KRI1: variants seen among roughly 807,000 people sequenced by gnomAD.
KRI1 encodes KRI1 homolog, also known as protein KRI1 homolog.
A neutral mutation model predicts 97.0 loss-of-function variants in KRI1; 83 were observed. The ratio of observed to expected loss-of-function variants is 0.86; its 90% CI spans 0.72 to 1.03. The LOEUF (loss-of-function observed/expected upper bound fraction) is 1.03. Ranked by LOEUF, KRI1 falls within the 50% of genes least tolerant of loss-of-function variation. The pLI is 0.00. For synonymous variants in KRI1, 371 were observed against 363.5 expected (o/e 1.02, Z -0.23); for missense variants, 916 against 928.4 (o/e 0.99, Z 0.17).
intron 16 of KRI1, among the ~76,000 whole-genome samples, chr19:10,557,262 G>C (rs1251742560): frequency 6.6e-6 from 1 of 151,620 alleles, no homozygotes; most frequent in Non-Finnish European, 1.5e-5. Context: ...CTGCCACCAT[G>C]CCTGGCTAAT....
In KRI1 at chr19:10,561,727, G is replaced by C; in HGVS notation, c.439-11C>G. 3 of 1,613,968 alleles carry C rather than the reference G, an allele frequency of 1.9e-6. No individual in the cohort carries two copies. Among genetic ancestry groups the C allele is most frequent in the Non-Finnish European group, 2.5e-6 (3 of 1,179,990 alleles). Reference sequence around the variant, plus strand: ...TTGCGACGATGTCTCCTGCAGAGAGGGCCATAGGTCTCAGGCCAGCCCCAG... The same window carrying C: ...TTGCGACGATGTCTCCTGCAGAGAGCGCCATAGGTCTCAGGCCAGCCCCAG... On this transcript the variant is annotated splice_polypyrimidine_tract_variant and intron_variant, in intron 5 of 18. Transcript: ENST00000312962.
rs376033223 is a variant in KRI1 at position 10,558,149 on chromosome 19, C to T, written c.1270+15G>A. 3.8e-5 allele frequency: 62 copies of T among 1,610,698 alleles called. No homozygotes were observed. The highest frequency in any genetic ancestry group is 5.1e-5 in the Non-Finnish European group (60 of 1,177,068). On this transcript the variant is annotated intron_variant, in intron 13 of 18. Coordinates refer to ENST00000312962, the MANE Select transcript of KRI1 (RefSeq NM_023008.5). ...CAGTCCCCAATCCCCAGCCCAGTGC[C>T]CCAGCTGATCTCACCTTCAAGCCCT...
At chr19:10,562,002 G>A (rs1916717536) in intron 4 of KRI1, among the ~76,000 whole-genome samples, 157 bp from the exon 5 acceptor site, 1 of 151,722 alleles carries the variant, frequency 6.6e-6, no homozygotes, top group South Asian at 2.1e-4. Context: ...TGCGATTCTG[G>A]TGAGTTTCCA....
chr19:10,565,992 T>G lies in KRI1; in HGVS notation c.8A>C (p.Glu3Ala). 2 of 1,521,490 alleles carry G rather than the reference T, an allele frequency of 1.3e-6. No homozygotes were observed. Among genetic ancestry groups the G allele is most frequent in the Non-Finnish European group, 1.8e-6 (2 of 1,139,676 alleles). The allele number at this position is 1,521,490 out of a possible 1,614,324, so 94.2% of individuals were successfully genotyped here. MP[E>A]PRGSSQLRVN... ...CCGCAGCTGCGACGACCCGCGCGGT[T>G]CCGGCATGGCGGTTCTGTGGCCCAT... The change falls in exon 1 of 19, where the codon GAA (glutamate) becomes GCA (alanine). Residue 3 changes from glutamate (E) to alanine (A), a missense_variant. Glu to Ala is a moderately radical substitution (Grantham distance 107). Transcript: ENST00000312962.
intron 3 of KRI1, 33 bp from the exon 4 acceptor site, chr19:10,562,870 C>T (rs1297833409): frequency 1.5e-6 from 2 of 1,315,352 alleles, no homozygotes; most frequent in Admixed American, 1.7e-5. Flanking sequence ...TGCCATCACC[C>T]ACAACCCCCT....
rs529360366 is a variant in KRI1, at chr19:10,558,238, T to C, written c.1196A>G (p.Lys399Arg). The part of the protein sequence containing the change: ...DPAQHDQLMQ[K>R]CFGDEYYGAV... Reference sequence around the variant, plus strand: ...CCCGTAGTACTCGTCCCCAAAGCACTTCTGCAGGGTCAGGGCTGGCGGTTA... The same window carrying C: ...CCCGTAGTACTCGTCCCCAAAGCACCTCTGCAGGGTCAGGGCTGGCGGTTA... Residue 399 changes from lysine (K) to arginine (R), a missense_variant and splice_region_variant, in exon 13 of 19, where the codon AAG becomes AGG. Physicochemically the swap from Lys to Arg is conservative, Grantham distance 26. Transcript: ENST00000312962. The C allele has an allele frequency of 1.9e-6, 3 of 1,614,068 alleles. No individual in the cohort carries two copies. The East Asian group carries it at 6.7e-5, about 36-fold the overall frequency.
At chr19:10,557,469 A>C in intron 16 of KRI1, 83 bp downstream of exon 16, 2 of 1,423,874 alleles carry the variant, frequency 1.4e-6, no homozygotes, top group South Asian at 2.5e-5. Context: ...TGAGCAACAG[A>C]GATTGGGACT....
At chr19:10,565,192 C>T in intron 2 of KRI1, 158 bp from the exon 3 acceptor site, 1 of 647,750 alleles carries the variant, frequency 1.5e-6, no homozygotes, top group East Asian at 2.7e-5. Context: ...GAGGGGCCCT[C>T]TTGGGGTGGG....
At chr19:10,555,263 C>CCGCCG (rs754041629) in intron 17 of KRI1, 22 bp downstream of exon 17, 2 of 1,613,494 alleles carry the variant, frequency 1.2e-6, no homozygotes, top group Non-Finnish European at 1.7e-6. Context: ...GCATGTGGCC[C>CCGCCG]CGCCGCGCCC....
At chr19:10,561,747 C>G (rs1916707089) in intron 5 of KRI1, 31 bp from the exon 6 acceptor site, 1 of 1,614,016 alleles carries the variant, frequency 6.2e-7, no homozygotes, top group African/African-American at 1.3e-5. Flanking sequence ...CTCAGGCCAG[C>G]CCCAGGCCCC....
chr19:10,563,977 C>G (rs1036610848), intron 3 of KRI1, among the ~76,000 whole-genome samples: 4 of 146,184 alleles, frequency 2.7e-5, no homozygotes, highest in African/African-American at 9.8e-5. Flanking sequence ...AACCCCATCT[C>G]TACTAAAAAT....
Position 10,553,965 on chromosome 19 carries a change from T to G in KRI1, c.2098A>C (p.Lys700Gln), listed in dbSNP as rs151313345. Residue 700 changes from lysine to glutamine, a missense_variant, in exon 19 of 19, where the codon AAG becomes CAG. Lys to Gln is a moderately conservative substitution (Grantham distance 53). Around this residue, in one of 3 missense-constraint regions of KRI1, gnomAD observed 672 missense variants for 667.2 expected, o/e 1.01. Transcript: ENST00000312962. ...GRQRRKQQGP[K>Q]NSS ...CTCCCTGGTGCTCAGGAGCTGTTCT[T>G]GGGCCCCTGTTGTTTCCTCCGCTGC... 5.7e-5 allele frequency: 92 copies of G among 1,605,466 alleles called. No individual in the cohort carries two copies. In the African/African-American group the frequency reaches 1.1e-3, roughly 20 times the overall value.
rs751606097 is a variant in KRI1 at position 10,557,846 on chromosome 19, G to T, written c.1409C>A (p.Ala470Asp). Residue 470 changes from alanine (A) to aspartate (D), a missense_variant, in exon 15 of 19, where the codon GCC becomes GAC. Coordinates refer to ENST00000312962, the MANE Select transcript of KRI1 (RefSeq NM_023008.5). ...PSQPRKKKRE[A>D]PLTGKKKRKS... ...GCGCTTCTTCTTGCCCGTCAAGGGGGCCTCGCGCTTTTTCTTCCTCGGCTG... is the reference window on the plus strand; with the variant it reads ...GCGCTTCTTCTTGCCCGTCAAGGGGTCCTCGCGCTTTTTCTTCCTCGGCTG... The T allele has an allele frequency of 6.2e-7, 1 of 1,613,420 alleles. No individual in the cohort carries two copies. The highest frequency in any genetic ancestry group is 1.1e-5 in the South Asian group (1 of 91,066).
At chr19:10,565,440 G>A (rs976903732) in intron 2 of KRI1, 2 of 541,626 alleles carry the variant, frequency 3.7e-6, no homozygotes, top group East Asian at 3.3e-5. Flanking sequence ...GACTCTTGAG[G>A]ATGAAAGAGG....
chr19:10,564,146 CAAAA>C (rs144396358), intron 3 of KRI1, among the ~76,000 whole-genome samples: 1 of 96,312 alleles, frequency 1.0e-5, no homozygotes. Context: ...AACTCCGTCT[CAAAA>C]AAAAAAAAAG....
rs778426623 is a variant in KRI1 at position 10,557,861 on chromosome 19, T to A, written c.1394A>T (p.Lys465Met). ...CGTCAAGGGGGCCTCGCGCTTTTTC[T>A]TCCTCGGCTGGCTGGGGTCGTAGTC... ...DADYDPSQPR[K>M]KKREAPLTGK... The change falls in exon 15 of 19, where the codon AAG becomes ATG. Residue 465 changes from lysine to methionine, a missense_variant. Lys to Met is a moderately conservative substitution (Grantham distance 95, BLOSUM62 -1). This residue lies in a region of KRI1 where 672 missense variants were observed against 667.2 expected (regional missense o/e 1.01). Coordinates refer to ENST00000312962, the MANE Select transcript of KRI1 (RefSeq NM_023008.5). The A allele has an allele frequency of 6.2e-7, 1 of 1,613,644 alleles. No homozygotes were observed. The highest frequency in any genetic ancestry group is 8.5e-7 in the Non-Finnish European group (1 of 1,179,934).
At chr19:10,565,555 G>A in intron 2 of KRI1, 162 bp downstream of exon 2, 1 of 892,776 alleles carries the variant, frequency 1.1e-6, no homozygotes, top group Non-Finnish European at 1.6e-6. Flanking sequence ...CCCCTGGGGA[G>A]AGGGGGGGCA....
rs761122247 is a variant in KRI1 at position 10,557,702 on chromosome 19, G to A, written c.1487-20C>T. On this transcript the variant is annotated intron_variant, in intron 15 of 18. Coordinates refer to ENST00000312962, the MANE Select transcript of KRI1 (RefSeq NM_023008.5). ...TGTCCCCTGCTCGAGACAGAGCCAG[G>A]CTGCTGGGCTATGCCAGGCCCCGCG... is the stretch of plus-strand genomic sequence containing the variant. 2.5e-6 allele frequency: 4 copies of A among 1,613,842 alleles called. No homozygotes were observed. Among genetic ancestry groups the A allele is most frequent in the Non-Finnish European group, 3.4e-6 (4 of 1,179,844 alleles).
intron 13 of KRI1, 49 bp from the exon 14 acceptor site, chr19:10,558,109 T>C: frequency 1.2e-6 from 2 of 1,613,048 alleles, no homozygotes; most frequent in South Asian, 1.1e-5. Context: ...GACCTTGGGC[T>C]TCAGTCCCAG....
Sources: allele counts gnomAD v4.1 joint callset (sites outside exome capture counted in the v4.1 genomes callset), GRCh38; gene constraint gnomAD v4.1.1; regional missense constraint gnomAD v4.1.1; transcripts MANE v1.5; gene names NCBI Gene and HGNC (gene_info 2026-07-23, HGNC 2026-07-21).